KIF20B: variants seen among roughly 807,000 people sequenced by gnomAD.
KIF20B encodes the protein kinesin family member 20B.
A neutral mutation model predicts 232.5 loss-of-function variants in KIF20B; 188 were observed. The observed-to-expected ratio is 0.81, with a 90% confidence interval of 0.72 to 0.91. KIF20B has a LOEUF of 0.91. Ranked by LOEUF, KIF20B falls within the 40% of genes least tolerant of loss-of-function variation. The pLI, the probability that KIF20B is intolerant of heterozygous loss-of-function variation, is 0.00. For missense variants in KIF20B, 2,154 were observed against 2,055.9 expected, an observed-to-expected ratio of 1.05 and a Z score of -0.92; for synonymous variants, 712 against 683.0, an observed-to-expected ratio of 1.04 and a Z score of -0.66.
chr10:89,744,206 A>C (rs1841864232), intron 22 of KIF20B, among the ~76,000 whole-genome samples: 1 of 152,196 alleles, frequency 6.6e-6, no homozygotes, highest in South Asian at 2.1e-4. Flanking sequence ...AGTGTTTAAG[A>C]ATAACATTAC....
rs115396465 is a variant in KIF20B, at chr10:89,709,374, T to C, written c.264T>C (p.Thr88=). Residue 88 remains threonine, a synonymous_variant, in exon 4 of 33, where the codon ACT becomes ACC. Transcript: ENST00000371728. ...GTGTGCATATTCTGGATTCACAGAC[T>C]GTTGTGCTGAAAGAGCCTCAATGCA... ...EGCVHILDSQ[T]VVLKEPQCIL... is the part of the protein sequence containing the mutation. 853 of 1,613,484 alleles carry C rather than the reference T, an allele frequency of 5.3e-4. 6 individuals carry two copies. The African/African-American group carries it at 0.01, about 19-fold the overall frequency.
intron 29 of KIF20B, among the ~76,000 whole-genome samples, chr10:89,767,480 T>C (rs1030807759): frequency 6.6e-6 from 1 of 152,058 alleles, no homozygotes; most frequent in Non-Finnish European, 1.5e-5. Flanking sequence ...TGGTGTCTGC[T>C]TCTTATGACC....
At chr10:89,750,153 C>T (rs959215942) in intron 23 of KIF20B, among the ~76,000 whole-genome samples, 2 of 152,004 alleles carry the variant, frequency 1.3e-5, no homozygotes, top group Non-Finnish European at 2.9e-5. Context: ...TGCTAGCTTT[C>T]AAATAATAGG....
intron 28 of KIF20B, among the ~76,000 whole-genome samples, chr10:89,761,221 G>A (rs955569212): frequency 6.6e-6 from 1 of 152,064 alleles, no homozygotes. Context: ...CTGAGGATAC[G>A]AACATCAATA....
intron 19 of KIF20B, among the ~76,000 whole-genome samples, chr10:89,735,247 C>G (rs767130960): frequency 6.6e-6 from 1 of 151,918 alleles, no homozygotes; most frequent in Non-Finnish European, 1.5e-5. Flanking sequence ...GTTTTCTATA[C>G]CATGATATGT....
intron 31 of KIF20B, 130 bp downstream of exon 31, chr10:89,769,018 G>C: frequency 1.5e-6 from 1 of 682,128 alleles, no homozygotes; most frequent in Non-Finnish European, 2.3e-6. Context: ...CCTATACTAG[G>C]TACTGTGGGA....
chr10:89,717,339 A>G, intron 9 of KIF20B, 85 bp from the exon 10 acceptor site: 4 of 825,254 alleles, frequency 4.8e-6, no homozygotes, highest in Admixed American at 2.6e-5. Flanking sequence ...TAGGGTATAA[A>G]TAAGATTGAT....
intron 5 of KIF20B, among the ~76,000 whole-genome samples, 172 bp from the exon 6 acceptor site, chr10:89,710,789 G>T (rs996582211): frequency 6.6e-6 from 1 of 152,132 alleles, no homozygotes; most frequent in African/African-American, 2.4e-5. Context: ...ATAAAATGTT[G>T]GTAATACTGT....
In KIF20B at chr10:89,734,652, A is replaced by C. The variant is rs564585865; in HGVS notation, c.2545+1596A>C. ...TTAATGAGCTTTGTAATGATCTCAA[A>C]AGTGCTGCCTTCTTCATCGAACAGA... is the stretch of plus-strand genomic sequence containing the variant. On this transcript the variant is annotated intron_variant, in intron 19 of 32. Coordinates refer to ENST00000371728, the MANE Select transcript of KIF20B (RefSeq NM_001284259.2). Among the ~76,000 whole-genome samples the C allele has an allele frequency of 4.4e-4, 67 of 152,290 alleles. 1 individual carries two copies. In the South Asian group the frequency reaches 9.3e-3, roughly 21 times the overall value.
chr10:89,711,190 T>A (rs1362049341), intron 6 of KIF20B, 45 bp downstream of exon 6: 1 of 1,206,970 alleles, frequency 8.3e-7, no homozygotes, highest in East Asian at 2.5e-5. Flanking sequence ...ATTCCTGACT[T>A]CTTATAAACC....
At chr10:89,733,137 C>T (rs1480871614) in intron 19 of KIF20B, 81 bp downstream of exon 19, 3 of 1,382,138 alleles carry the variant, frequency 2.2e-6, no homozygotes, top group Admixed American at 3.7e-5. Flanking sequence ...AACAGAGGGG[C>T]ATTCACTTGT....
intron 14 of KIF20B, among the ~76,000 whole-genome samples, chr10:89,724,388 G>A (rs562235199): frequency 3.3e-5 from 5 of 152,118 alleles, no homozygotes; most frequent in East Asian, 1.9e-4. Context: ...TTAGCTGGGC[G>A]TACTGGCATG....
chr10:89,708,948 A>C (rs1315090110), intron 2 of KIF20B, among the ~76,000 whole-genome samples: 1 of 152,206 alleles, frequency 6.6e-6, no homozygotes, highest in East Asian at 1.9e-4. Flanking sequence ...ACGTATAAAT[A>C]CAGGAGATGG....
At chr10:89,713,955 G>C in intron 6 of KIF20B, 92 bp from the exon 7 acceptor site, 1 of 493,896 alleles carries the variant, frequency 2.0e-6, no homozygotes, top group Non-Finnish European at 3.5e-6. Flanking sequence ...TTGTGATTTG[G>C]TAGTGACTTA....
rs1842803993 is a variant in KIF20B, at chr10:89,709,967, G to T, written c.392G>T (p.Gly131Val). Residue 131 changes from glycine to valine, a missense_variant, in exon 5 of 33, where the codon GGT becomes GTT. Transcript: ENST00000371728. ...PATTQKEFFQ[G>V]CIMQPVKDLL... is the part of the protein sequence containing the mutation. ...ACTACACAGAAGGAATTCTTTCAGG[G>T]TTGCATTATGCAACCAGTAAAAGAC... 6.2e-7 allele frequency: 1 copy of T among 1,608,842 alleles called. No individual in the cohort carries two copies. The highest frequency in any genetic ancestry group is 8.5e-7 in the Non-Finnish European group (1 of 1,178,184).
chr10:89,703,373 A>G (rs560983666), intron 1 of KIF20B, among the ~76,000 whole-genome samples: 4 of 152,316 alleles, frequency 2.6e-5, no homozygotes, highest in Non-Finnish European at 5.9e-5. Flanking sequence ...AGGAATAAAC[A>G]AGGATTTTGA....
chr10:89,719,952 T>C (rs1843016118), intron 13 of KIF20B, among the ~76,000 whole-genome samples: 1 of 152,200 alleles, frequency 6.6e-6, no homozygotes, highest in South Asian at 2.1e-4. Flanking sequence ...CTGTACAATT[T>C]GAAAATAAGA....
chr10:89,756,506 C>G (rs1589879225), intron 26 of KIF20B, among the ~76,000 whole-genome samples: 1 of 152,050 alleles, frequency 6.6e-6, no homozygotes, highest in African/African-American at 2.4e-5. Flanking sequence ...ATGTGTCTGC[C>G]ATACTTAAGA....
In KIF20B at chr10:89,773,959, T is replaced by C. The variant is rs1242242006; in HGVS notation, c.5386-12T>C. ...TACAAGCTTTGAAAAACTATGAAAT[T>C]TTTAATTTCAGATTTTAATGGACCA... is the stretch of plus-strand genomic sequence containing the variant. On this transcript the variant is annotated splice_polypyrimidine_tract_variant and intron_variant, in intron 32 of 32. Transcript: ENST00000371728. 1 of 1,508,954 alleles carries C rather than the reference T, an allele frequency of 6.6e-7. No individual in the cohort carries two copies. The allele number at this position is 1,508,954 out of a possible 1,614,324, so 93.5% of individuals were successfully genotyped here.
Sources: gnomAD v4.1 joint callset for allele counts (sites outside exome capture counted in the v4.1 genomes callset) on GRCh38, gnomAD v4.1.1 for gene constraint, MANE v1.5 for transcripts, NCBI Gene and HGNC (gene_info 2026-07-23, HGNC 2026-07-21) for gene names.